The following DBNDD1 variants were observed in gnomAD, a reference collection of about 807,000 sequenced individuals.
The protein encoded by DBNDD1 is dysbindin domain-containing protein 1.
A neutral mutation model predicts 17.0 loss-of-function variants in DBNDD1; 14 were observed. That is an observed-to-expected ratio of 0.82 (90% CI 0.54 to 1.29). The LOEUF is 1.29. Among genes scored for constraint, DBNDD1 ranks in the 50% most tolerant of loss-of-function variants. The pLI, the probability that DBNDD1 is intolerant of heterozygous loss-of-function variation, is 0.00. For missense variants in DBNDD1, 221 were observed against 216.2 expected, an observed-to-expected ratio of 1.02 and a Z score of -0.14; for synonymous variants, 105 against 102.0, an observed-to-expected ratio of 1.03 and a Z score of -0.18.
Position 90,005,288 on chromosome 16 carries a change from T to TAA in DBNDD1, c.*1045_*1046dup, listed in dbSNP as rs1384216046. On this transcript the variant is annotated 3_prime_UTR_variant, in exon 4 of 4. Transcript: ENST00000002501. Reference sequence around the variant, plus strand: ...GGAAAGTAAGCTTACACTTTGATATTAAACTCATTCTTTGACTTGCTGTCA... The same window carrying TAA: ...GGAAAGTAAGCTTACACTTTGATATTAAAAACTCATTCTTTGACTTGCTGTCA... 1 of 152,240 alleles carries TAA rather than the reference T, an allele frequency of 6.6e-6. No individual in the cohort carries two copies. Among genetic ancestry groups the TAA allele is most frequent in the African/African-American group, 2.4e-5 (1 of 41,434 alleles). 9.4% of individuals were successfully genotyped at this position (152,240 alleles called of 1,614,324 possible). A position where few individuals can be genotyped will look rare whatever the true frequency, so the allele number is the denominator to read the frequency against.
intron 2 of DBNDD1, 98 bp downstream of exon 2, chr16:90,009,186 C>G: frequency 6.5e-7 from 1 of 1,532,472 alleles, no homozygotes; most frequent in Non-Finnish European, 8.7e-7. Context: ...CTAGACCCCC[C>G]AGGGAGTGTT....
Position 90,005,108 on chromosome 16 carries a change from G to C in DBNDD1, c.*1227C>G, listed in dbSNP as rs1222109136. 6.6e-6 allele frequency: 1 copy of C among 152,556 alleles called. No individual in the cohort carries two copies. The highest frequency in any genetic ancestry group is 2.4e-5 in the African/African-American group (1 of 41,448). The allele number at this position is 152,556 out of a possible 1,614,324, so 9.5% of individuals were successfully genotyped here. On this transcript the variant is annotated 3_prime_UTR_variant, in exon 4 of 4. Coordinates refer to ENST00000002501, the MANE Select transcript of DBNDD1 (RefSeq NM_001042610.3). ...TTGCCAGCAGTGCGGAGGGGCAGCG[G>C]GTGGCTCAGAAGTGGGAGCAGGTAC...
At chr16:90,014,275 C>T (rs556160034) in intron 1 of DBNDD1, among the ~76,000 whole-genome samples, 63 of 152,032 alleles carry the variant, frequency 4.1e-4, no homozygotes, top group Admixed American at 2.9e-3. Flanking sequence ...TACAGGCGTG[C>T]GCCACCATGC....
chr16:90,006,174 C>A lies in DBNDD1; in HGVS notation c.*161G>T. 1 of 1,040,468 alleles carries A rather than the reference C, an allele frequency of 9.6e-7. No individual in the cohort carries two copies. The highest frequency in any genetic ancestry group is 1.4e-6 in the Non-Finnish European group (1 of 738,836). 64.5% of individuals were successfully genotyped at this position (1,040,468 alleles called of 1,614,324 possible). A position where few individuals can be genotyped will look rare whatever the true frequency, so the allele number is the denominator to read the frequency against. On this transcript the variant is annotated 3_prime_UTR_variant, in exon 4 of 4. Transcript: ENST00000002501. ...AAGACCCGTGCCCAGCAGACAAGGC[C>A]GGTCTCGGGGCTGGCAGAGAGCTGC...
In DBNDD1 at chr16:90,009,312, C is replaced by T. The variant is rs200024428; in HGVS notation, c.150G>A (p.Pro50=). 59 of 1,613,426 alleles carry T rather than the reference C, an allele frequency of 3.7e-5. No individual in the cohort carries two copies. The highest frequency in any genetic ancestry group is 1.2e-4 in the South Asian group (11 of 91,090). ...EEVGGIPVPA[P]GLLQVTERRQ... is the part of the protein sequence containing the mutation. ...TCCTCTCCGTGACCTGCAGGAGCCC[C>T]GGTGCTGGTACTGGGATGCCCCCGA... Residue 50 remains proline (P), a synonymous_variant, in exon 2 of 4, where the codon CCG becomes CCA. Transcript: ENST00000002501.
intron 1 of DBNDD1, chr16:90,010,263 C>T: frequency 2.2e-6 from 1 of 455,984 alleles, no homozygotes; most frequent in Non-Finnish European, 3.9e-6. Context: ...CCAGGCTGAA[C>T]TCCTGACCTC....
rs72477008 is a variant in DBNDD1 at position 90,007,948 on chromosome 16, G to C, written c.319+836C>G. On this transcript the variant is annotated intron_variant, in intron 3 of 3. Coordinates refer to ENST00000002501, the MANE Select transcript of DBNDD1 (RefSeq NM_001042610.3). Reference sequence around the variant, plus strand: ...CTCACCCCCCAAACACACCTCCCAGGACTTCCCAAGGGGCCTCACCCCCCA... The same window carrying C: ...CTCACCCCCCAAACACACCTCCCAGCACTTCCCAAGGGGCCTCACCCCCCA... Among the ~76,000 whole-genome samples the C allele has an allele frequency of 5.4e-3, 738 of 135,936 alleles. 27 individuals are homozygous for C. The highest frequency in any genetic ancestry group is 0.029 in the East Asian group (108 of 3,694). The allele number at this position is 135,936 out of a possible 152,430, so 89.2% of individuals were successfully genotyped here. A position where few individuals can be genotyped will look rare whatever the true frequency, so the allele number is the denominator to read the frequency against.
At chr16:90,016,171 C>T (rs991367938) in intron 1 of DBNDD1, among the ~76,000 whole-genome samples, 6 of 152,136 alleles carry the variant, frequency 3.9e-5, no homozygotes, top group African/African-American at 1.4e-4. Flanking sequence ...GAGCGAGAAG[C>T]ATCAGCTCTA....
At chr16:90,010,417 G>C (rs993827116) in intron 1 of DBNDD1, among the ~76,000 whole-genome samples, 3 of 147,614 alleles carry the variant, frequency 2.0e-5, no homozygotes, top group African/African-American at 7.6e-5. Flanking sequence ...CACCAGGCTG[G>C]AGTGCAGTGG....
chr16:90,010,582 G>T (rs1343313692), intron 1 of DBNDD1, among the ~76,000 whole-genome samples: 1 of 149,316 alleles, frequency 6.7e-6, no homozygotes, highest in Admixed American at 6.7e-5. Flanking sequence ...ACCCGCCTTG[G>T]CCTCCCAAAG....
chr16:90,017,657 G>A (rs555634941), intron 1 of DBNDD1, among the ~76,000 whole-genome samples: 21 of 152,314 alleles, frequency 1.4e-4, no homozygotes, highest in Non-Finnish European at 2.6e-4. Flanking sequence ...CCTTTGTCCC[G>A]CCGTTCTCTC....
chr16:90,014,236 C>G (rs889510391), intron 1 of DBNDD1, among the ~76,000 whole-genome samples: 20 of 152,016 alleles, frequency 1.3e-4, no homozygotes, highest in African/African-American at 4.6e-4. Context: ...AAGGGATCCT[C>G]TTGCCTCAGC....
intron 1 of DBNDD1, among the ~76,000 whole-genome samples, chr16:90,014,715 A>T (rs902650074): frequency 1.3e-5 from 2 of 152,116 alleles, no homozygotes; most frequent in Non-Finnish European, 2.9e-5. Flanking sequence ...CTTAAGAAGT[A>T]TCCTTTCGGC....
At chr16:90,013,260 C>T (rs1194163497) in intron 1 of DBNDD1, among the ~76,000 whole-genome samples, 1 of 6,662 alleles carries the variant, frequency 1.5e-4, no homozygotes, top group African/African-American at 9.4e-4. Context: ...GAAACCTTGC[C>T]TTAAAAAAAA....
At chr16:90,006,562 G>T in intron 3 of DBNDD1, 70 bp from the exon 4 acceptor site, 1 of 1,537,724 alleles carries the variant, frequency 6.5e-7, no homozygotes, top group Admixed American at 1.9e-5. Flanking sequence ...AGCTCCAGGT[G>T]CCGCCGGCCT....
At chr16:90,013,925 T>C (rs1399231711) in intron 1 of DBNDD1, among the ~76,000 whole-genome samples, 1 of 10,728 alleles carries the variant, frequency 9.3e-5, no homozygotes, top group Admixed American at 1.2e-3. Flanking sequence ...TGATACTGGG[T>C]GGGGCGGGGG....
Position 90,015,504 on chromosome 16 carries a change from C to T in DBNDD1, c.31+3807G>A, listed in dbSNP as rs147495937. Among the ~76,000 whole-genome samples the T allele has an allele frequency of 2.3e-3, 350 of 152,262 alleles. 6 individuals are homozygous for T. Among genetic ancestry groups the T allele is most frequent in the African/African-American group, 8.2e-3 (340 of 41,542 alleles). On this transcript the variant is annotated intron_variant, in intron 1 of 3. Coordinates refer to ENST00000002501, the MANE Select transcript of DBNDD1 (RefSeq NM_001042610.3). ...TGAAAAGTTCTATGTGGATTTCTGA[C>T]TTTGAGGGAGGTGGGCACCCCTAAC... is the stretch of plus-strand genomic sequence containing the variant.
At chr16:90,009,234 G>A in intron 2 of DBNDD1, 50 bp downstream of exon 2, 3 of 1,604,406 alleles carry the variant, frequency 1.9e-6, no homozygotes, top group Non-Finnish European at 2.5e-6. Context: ...GTCTCTTGGG[G>A]GAGCTCACGG....
chr16:90,018,664 A>G (rs1022202367), intron 1 of DBNDD1, among the ~76,000 whole-genome samples: 4 of 152,192 alleles, frequency 2.6e-5, no homozygotes, highest in African/African-American at 4.8e-5. Context: ...ACCGACTCCA[A>G]GGTCCTGCAG....
Sources: allele counts gnomAD v4.1 joint callset (sites outside exome capture counted in the v4.1 genomes callset), GRCh38; gene constraint gnomAD v4.1.1; transcripts MANE v1.5; gene names NCBI Gene and HGNC (gene_info 2026-07-23, HGNC 2026-07-21).